CD163L1: variants seen among roughly 807,000 people sequenced by gnomAD.
The protein encoded by CD163L1 is CD163 molecule like 1, also known as scavenger receptor cysteine-rich type 1 protein M160.
In CD163L1, 124 loss-of-function variants were observed where a neutral mutation model predicts 165.4. That is an observed-to-expected ratio of 0.75 (90% confidence interval 0.65 to 0.87). The LOEUF (loss-of-function observed/expected upper bound fraction) is 0.87. Ranked by LOEUF, CD163L1 falls within the 40% of genes least tolerant of loss-of-function variation. The probability of loss-of-function intolerance (pLI) is 0.00; values close to 1 mark genes in which losing one functional copy is unlikely to be tolerated. For missense variants in CD163L1, 1,525 were observed against 1,799.9 expected (o/e 0.85, Z 2.76); for synonymous variants, 585 against 662.2 (o/e 0.88, Z 1.79).
chr12:7,427,741 T>C (rs892519446), intron 4 of CD163L1, among the ~76,000 whole-genome samples: 3 of 152,132 alleles, frequency 2.0e-5, no homozygotes, highest in Admixed American at 2.0e-4. Flanking sequence ...GTGATTCTTG[T>C]TCAGTGAACC....
intron 7 of CD163L1, 61 bp from the exon 8 acceptor site, chr12:7,396,476 C>G: frequency 6.9e-7 from 1 of 1,448,420 alleles, no homozygotes. Context: ...TATATGTCAA[C>G]TTGGCTGGAC....
At chr12:7,422,539 T>C (rs761862963) in intron 4 of CD163L1, among the ~76,000 whole-genome samples, 1 of 151,646 alleles carries the variant, frequency 6.6e-6, no homozygotes, top group East Asian at 1.9e-4. Context: ...GCTAAGAACC[T>C]TGAAAAAAGG....
intron 13 of CD163L1, 114 bp from the exon 14 acceptor site, chr12:7,373,754 T>C (rs1947195134): frequency 1.2e-6 from 1 of 854,738 alleles, no homozygotes; most frequent in Non-Finnish European, 1.8e-6. Flanking sequence ...CAATACAATT[T>C]CATAAATCAC....
chr12:7,433,811 G>A, intron 2 of CD163L1, 117 bp from the exon 3 acceptor site: 1 of 733,292 alleles, frequency 1.4e-6, no homozygotes, highest in Non-Finnish European at 2.1e-6. Flanking sequence ...AGAACTTATA[G>A]TAGAGAGAAA....
chr12:7,405,725 C>T (rs772212816), intron 5 of CD163L1, among the ~76,000 whole-genome samples: 4 of 152,092 alleles, frequency 2.6e-5, no homozygotes, highest in Admixed American at 2.6e-4. Context: ...AGGCTGGTAA[C>T]GTAAGGTCAG....
At chr12:7,324,550 A>G in the CD163L1 span, 1 of 1,613,990 alleles carries the variant, frequency 6.2e-7, no homozygotes, top group Non-Finnish European at 8.5e-7. Context: ...AGCATCCAGC[A>G]GTTGTTGAAT....
chr12:7,393,836 T>C (rs911686437), intron 8 of CD163L1, among the ~76,000 whole-genome samples: 1 of 151,946 alleles, frequency 6.6e-6, no homozygotes, highest in African/African-American at 2.4e-5. Flanking sequence ...ACAAAGAGAA[T>C]AAAATACCTA....
chr12:7,375,208 C>T (rs1947238759), intron 11 of CD163L1, 73 bp downstream of exon 11: 1 of 1,488,146 alleles, frequency 6.7e-7, no homozygotes, highest in Non-Finnish European at 9.2e-7. Context: ...ACTCATCTTT[C>T]CTTTAATCCC....
At chr12:7,348,114 C>T (rs921809730) in intron 4 of CD163L1, among the ~76,000 whole-genome samples, 5 of 151,984 alleles carry the variant, frequency 3.3e-5, no homozygotes, top group Admixed American at 6.5e-5. Flanking sequence ...TCTATAATAC[C>T]AGGAGGTGTA....
intron 4 of CD163L1, among the ~76,000 whole-genome samples, chr12:7,428,183 C>T (rs971622446): frequency 2.0e-5 from 3 of 151,926 alleles, no homozygotes; most frequent in Non-Finnish European, 4.4e-5. Flanking sequence ...AAGATATCCC[C>T]TTTATGGTTT....
intron 4 of CD163L1, among the ~76,000 whole-genome samples, chr12:7,411,374 C>T (rs746301885): frequency 1.1e-4 from 16 of 152,220 alleles, no homozygotes; most frequent in South Asian, 4.1e-4. Flanking sequence ...TTGTCCCCTC[C>T]GAATCTGAGG....
intron 18 of CD163L1, among the ~76,000 whole-genome samples, chr12:7,366,116 G>A (rs1040374940): frequency 6.6e-6 from 1 of 151,978 alleles, no homozygotes; most frequent in African/African-American, 2.4e-5. Context: ...TGGAACTAGA[G>A]GTCATTATGT....
chr12:7,323,278 T>A, the CD163L1 span: 1 of 1,611,368 alleles, frequency 6.2e-7, no homozygotes, highest in Non-Finnish European at 8.5e-7. Flanking sequence ...TTAAACCAGG[T>A]TCAATGGGGA....
intron 8 of CD163L1, among the ~76,000 whole-genome samples, chr12:7,393,860 C>A (rs929131087): frequency 2.6e-5 from 4 of 152,080 alleles, no homozygotes; most frequent in Non-Finnish European, 5.9e-5. Context: ...ATCCAACTTA[C>A]AAGGGATGTG....
At chr12:7,421,077 A>ATATATATACGTATATATATG (rs1565808973) in intron 4 of CD163L1, among the ~76,000 whole-genome samples, 2 of 103,052 alleles carry the variant, frequency 1.9e-5, no homozygotes, top group Middle Eastern at 4.6e-3. Context: ...ATATATACGT[A>ATATATATACGTATATATATG]TATATATACG....
chr12:7,368,316 C>T lies in CD163L1; in HGVS notation c.4073-119G>A. On this transcript the variant is annotated intron_variant, in intron 16 of 19. Coordinates refer to ENST00000313599, the MANE Select transcript of CD163L1 (RefSeq NM_174941.6). This position sits in a 1 kb window ranked among gnomAD's most constrained non-coding sequence, Gnocchi z 4.3. ...GAAGAATAATGGCTATACATTTCAA[C>T]ATATTCATGAACAGTACGTAATCTT... 1 of 588,584 alleles carries T rather than the reference C, an allele frequency of 1.7e-6. No individual in the cohort carries two copies. Among genetic ancestry groups the T allele is most frequent in the Non-Finnish European group, 3.0e-6 (1 of 329,454 alleles). The allele number at this position is 588,584 out of a possible 1,614,324, so 36.5% of individuals were successfully genotyped here.
chr12:7,333,924 CCCAAGACTAAA>C, the CD163L1 span, among the ~76,000 whole-genome samples: 1 of 152,138 alleles, frequency 6.6e-6, no homozygotes, highest in Non-Finnish European at 1.5e-5. Context: ...CATACACCCT[CCCAAGACTAAA>C]CCAGGAAGAA....
intron 8 of CD163L1, among the ~76,000 whole-genome samples, chr12:7,388,535 G>A (rs921814970): frequency 2.0e-5 from 3 of 152,114 alleles, no homozygotes; most frequent in Admixed American, 2.0e-4. Flanking sequence ...TTGAGCCCGG[G>A]AGATTGAGAC....
the CD163L1 span, among the ~76,000 whole-genome samples, chr12:7,319,401 C>T: frequency 6.6e-6 from 1 of 151,918 alleles, no homozygotes; most frequent in African/African-American, 2.4e-5. Context: ...ACCAGCCTGG[C>T]CAAGATGGTG....
Sources: allele counts gnomAD v4.1 joint callset (sites outside exome capture counted in the v4.1 genomes callset), GRCh38; gene constraint gnomAD v4.1.1; non-coding constraint Gnocchi (gnomAD v3.1); transcripts MANE v1.5; gene names NCBI Gene and HGNC (gene_info 2026-07-23, HGNC 2026-07-21).